TTN: variants seen among roughly 807,000 people sequenced by gnomAD.
TTN encodes the protein connectin.
TTN carries 1,525 observed loss-of-function variants against 3,223.0 expected under a neutral mutation model. The observed-to-expected ratio is 0.47, with a 90% confidence interval of 0.45 to 0.49. The LOEUF (loss-of-function observed/expected upper bound fraction) is 0.49. Ranked by LOEUF, TTN falls within the 20% of genes least tolerant of loss-of-function variation. The pLI is 0.00. For synonymous variants in TTN, 14,094 were observed against 15,161.0 expected (o/e 0.93, Z 5.17); for missense variants, 40,786 against 43,424.0 (o/e 0.94, Z 5.40).
chr2:178,587,058 T>C, intron 307 of TTN, 60 bp downstream of exon 307: 1 of 1,596,974 alleles, frequency 6.3e-7, no homozygotes, highest in South Asian at 1.1e-5. Context: ...GGTATTAGTA[T>C]CTTGACCTTG....
Position 178,780,946 on chromosome 2 carries a change from G to A in TTN, c.3523+175C>T, listed in dbSNP as rs148005498. On this transcript the variant is annotated intron_variant, in intron 21 of 362. Coordinates refer to ENST00000589042, the MANE Select transcript of TTN (RefSeq NM_001267550.2). The stretch of plus-strand genomic sequence containing the variant: ...CTAGAACCTCAGAAGTTTAATGACA[G>A]TATAGTTTTTGAGGCCATGTGGTCT... Among the ~76,000 whole-genome samples the A allele has an allele frequency of 3.2e-4, 48 of 152,330 alleles. No homozygotes were observed. In the South Asian group the frequency reaches 8.1e-3, roughly 26 times the overall value.
At position 178,526,091 on chromosome 2, in the gene TTN, A is replaced by C. The variant is rs1441801120; in HGVS notation, c.*921T>G. The C allele has an allele frequency of 6.5e-6, 1 of 152,700 alleles. No homozygotes were observed. The highest frequency in any genetic ancestry group is 1.5e-5 in the Non-Finnish European group (1 of 68,050). The allele number at this position is 152,700 out of a possible 1,614,324, so 9.5% of individuals were successfully genotyped here. On this transcript the variant is annotated 3_prime_UTR_variant, in exon 363 of 363. Transcript: ENST00000589042. ...TTTATACTTGCATGAAAAGAACTAC[A>C]TCAAATTGACATTTTGGGCAATTAG...
intron 99 of TTN, among the ~76,000 whole-genome samples, chr2:178,708,135 C>A (rs1374361416): frequency 6.6e-6 from 1 of 152,174 alleles, no homozygotes; most frequent in Non-Finnish European, 1.5e-5. Context: ...ACTATTAATT[C>A]TCTCAAACCT....
rs369923269 is a variant in TTN at position 178,702,428 on chromosome 2, C to G, written c.30433+26G>C. Reference sequence around the variant, plus strand: ...ACAGACGAGGCTTAAATTATACATTCACTGGAAAACTGTCAATGAAATCAC... The same window carrying G: ...ACAGACGAGGCTTAAATTATACATTGACTGGAAAACTGTCAATGAAATCAC... On this transcript the variant is annotated intron_variant, in intron 107 of 362. Transcript: ENST00000589042. 14 of 1,612,656 alleles carry G rather than the reference C, an allele frequency of 8.7e-6. No homozygotes were observed. In the African/African-American group the frequency reaches 1.7e-4, roughly 20 times the overall value.
At chr2:178,556,696 T>C in intron 330 of TTN, 152 bp downstream of exon 330, 1 of 870,078 alleles carries the variant, frequency 1.1e-6, no homozygotes, top group Non-Finnish European at 1.7e-6. Flanking sequence ...TTTAAGGAAT[T>C]TTCCTCAGAC....
At position 178,793,504 on chromosome 2, in the gene TTN, A is replaced by G; in HGVS notation, c.1436T>C (p.Val479Ala). The change falls in exon 9 of 363, where the codon GTA becomes GCA. Residue 479 changes from valine (V) to alanine (A), a missense_variant. Physicochemically the swap from Val to Ala is moderately conservative, Grantham distance 64. Transcript: ENST00000589042. ...KEAEKTAVTK[V>A]VVAADKAKEQ... ...CTTGGCTTTATCGGCGGCCACTACT[A>G]CCTTAGTTACAGCAGTCTTCTCCGC... 6.2e-7 allele frequency: 1 copy of G among 1,614,044 alleles called. No homozygotes were observed. Among genetic ancestry groups the G allele is most frequent in the Non-Finnish European group, 8.5e-7 (1 of 1,180,022 alleles).
rs562356397 is a variant in TTN at position 178,568,067 on chromosome 2, A to T, written c.78065T>A (p.Val26022Asp). ...HEPVNNGGSP[V>D]IGYHLERKER... ...TTTTCTCTCCAGGTGGTAACCTATG[A>T]CGGGGCTTCCACCATTGTTGACTGG... Residue 26022 changes from valine to aspartate, a missense_variant, in exon 326 of 363, where the codon GTC (valine) becomes GAC (aspartate). Physicochemically the swap from Val to Asp is radical, Grantham distance 152 (BLOSUM62 -3). Coordinates refer to ENST00000589042, the MANE Select transcript of TTN (RefSeq NM_001267550.2). 2.5e-6 allele frequency: 4 copies of T among 1,613,390 alleles called. No homozygotes were observed. In the South Asian group the frequency reaches 4.4e-5, roughly 18 times the overall value.
chr2:178,687,199 T>C (rs1214630632), intron 127 of TTN, among the ~76,000 whole-genome samples: 1 of 152,264 alleles, frequency 6.6e-6, no homozygotes, highest in Non-Finnish European at 1.5e-5. Context: ...TCTACTCATC[T>C]TCTCACTGGG....
rs373963067 is a variant in TTN at position 178,730,605 on chromosome 2, C to T, written c.17928G>A (p.Leu5976=). 41 of 1,613,620 alleles carry T rather than the reference C, an allele frequency of 2.5e-5. No individual in the cohort carries two copies. The East Asian group carries it at 4.5e-4, about 18-fold the overall frequency. ...CTGTACCTTCCAGCTGGCTGATTTCCAAGAAGGCAGTATTGTCATGAAAAG... is the reference window on the plus strand; with the variant it reads ...CTGTACCTTCCAGCTGGCTGATTTCTAAGAAGGCAGTATTGTCATGAAAAG... ...KFSFHDNTAF[L]EISQLEGTDS... is the part of the protein sequence containing the mutation. The change falls in exon 61 of 363, where the codon TTG becomes TTA. Residue 5976 remains leucine (L), a synonymous_variant. Transcript: ENST00000589042.
chr2:178,583,788 T>C lies in TTN; in HGVS notation c.65394A>G (p.Lys21798=), dbSNP rs1197497336. Residue 21798 remains lysine, a synonymous_variant, in exon 312 of 363, where the codon AAA becomes AAG. Coordinates refer to ENST00000589042, the MANE Select transcript of TTN (RefSeq NM_001267550.2). ...ACCGTACCCATTTATCACCAGGAAG[T>C]TTGCAAGCTTCTACGAAATAGCCAA... ...KIIGYFVEAC[K]LPGDKWVRCN... The C allele has an allele frequency of 3.1e-6, 5 of 1,610,548 alleles. No individual in the cohort carries two copies. The highest frequency in any genetic ancestry group is 4.2e-6 in the Non-Finnish European group (5 of 1,178,370).
chr2:178,612,228 T>C lies in TTN; in HGVS notation c.50248+49A>G, dbSNP rs202029076. On this transcript the variant is annotated intron_variant, in intron 266 of 362. Coordinates refer to ENST00000589042, the MANE Select transcript of TTN (RefSeq NM_001267550.2). ...AGGTGATAATCTCCTGTCACAAAAA[T>C]TAAGTGCGAGAGCACTTATTGTCAC... 1.7e-3 allele frequency: 2,688 copies of C among 1,604,540 alleles called. 61 individuals carry two copies. In the South Asian group the frequency reaches 0.026, roughly 16 times the overall value.
intron 143 of TTN, 57 bp downstream of exon 143, chr2:178,678,690 T>C: frequency 6.6e-7 from 1 of 1,518,150 alleles, no homozygotes; most frequent in Non-Finnish European, 9.0e-7. Flanking sequence ...AACCAATTAA[T>C]TTTTACCCAT....
At chr2:178,703,307 T>G (rs1004197996) in intron 106 of TTN, among the ~76,000 whole-genome samples, 2 of 152,202 alleles carry the variant, frequency 1.3e-5, no homozygotes, top group Non-Finnish European at 2.9e-5. Context: ...AGTACTCTGG[T>G]GAGCTCTATT....
rs1576971041 is a variant in TTN at position 178,652,331 on chromosome 2, T to C, written c.39144A>G (p.Lys13048=). ...GCACTTTCTTTTCAGGAACAACTTC[T>C]TTGGGAGCCTCAGGCACTTGAAAGA... ...VTPVKVPEAP[K]EVVPEKKVPV... The change falls in exon 203 of 363, where the codon AAA becomes AAG. Residue 13048 remains lysine, a synonymous_variant. Transcript: ENST00000589042. 6.8e-6 allele frequency: 11 copies of C among 1,613,610 alleles called. No individual in the cohort carries two copies. The East Asian group carries it at 2.5e-4, about 36-fold the overall frequency.
chr2:178,731,405 C>T lies in TTN; in HGVS notation c.17361G>A (p.Leu5787=). The part of the protein sequence containing the change: ...RMTFENNVAS[L]YLSGIEVKHD... ...GCTTGACTTCAATGCCACTGAGGTACAAACTGGCCACATTGTTCTCAAAGG... is the reference window on the plus strand; with the variant it reads ...GCTTGACTTCAATGCCACTGAGGTATAAACTGGCCACATTGTTCTCAAAGG... Residue 5787 remains leucine, a synonymous_variant, in exon 59 of 363, where the codon TTG becomes TTA. Coordinates refer to ENST00000589042, the MANE Select transcript of TTN (RefSeq NM_001267550.2). The T allele has an allele frequency of 6.2e-7, 1 of 1,613,776 alleles. No homozygotes were observed. The highest frequency in any genetic ancestry group is 2.2e-5 in the East Asian group (1 of 44,858).
Position 178,530,535 on chromosome 2 carries a change from C to G in TTN, c.106080G>C (p.Glu35360Asp). The change falls in exon 358 of 363, where the codon GAG becomes GAC. Residue 35360 changes from glutamate (E) to aspartate (D), a missense_variant. Coordinates refer to ENST00000589042, the MANE Select transcript of TTN (RefSeq NM_001267550.2). ...TESDQGEYVC[E>D]ISGEGGTSKT... ...TAGACGTTCCACCTTCACCAGAAAT[C>G]TCACAAACATATTCTCCTTGATCAG... 1 of 1,614,014 alleles carries G rather than the reference C, an allele frequency of 6.2e-7. No individual in the cohort carries two copies. Among genetic ancestry groups the G allele is most frequent in the Non-Finnish European group, 8.5e-7 (1 of 1,179,892 alleles).
chr2:178,540,982 A>T (rs1351496732), intron 350 of TTN: 1 of 240,746 alleles, frequency 4.2e-6, no homozygotes, highest in African/African-American at 2.2e-5. Flanking sequence ...TTAAAATTTT[A>T]AGTGTGATAG....
At chr2:178,669,314 A>G (rs1014486604) in intron 159 of TTN, 59 bp downstream of exon 159, 21 of 1,357,924 alleles carry the variant, frequency 1.5e-5, no homozygotes, top group South Asian at 2.7e-5. Flanking sequence ...AAAGACAAAC[A>G]TAGTGAATTT....
rs1467474717 is a variant in TTN at position 178,647,361 on chromosome 2, T to A, written c.40141+20A>T. 6 of 1,548,302 alleles carry A rather than the reference T, an allele frequency of 3.9e-6. No homozygotes were observed. The Admixed American group carries it at 9.8e-5, about 25-fold the overall frequency. On this transcript the variant is annotated intron_variant, in intron 214 of 362. Transcript: ENST00000589042. ...GAAGACAATTGTCATCTTTCCAAGA[T>A]TTATGGAGAAGCCGTGTACCTTCAG...
Sources: allele counts gnomAD v4.1 joint callset (sites outside exome capture counted in the v4.1 genomes callset), GRCh38; gene constraint gnomAD v4.1.1; transcripts MANE v1.5; gene names NCBI Gene and HGNC (gene_info 2026-07-23, HGNC 2026-07-21).